Variants in PTK2 observed in about 807,000 individuals in gnomAD.
PTK2 encodes the protein focal adhesion kinase 1.
In PTK2, 45 loss-of-function variants were observed where a neutral mutation model predicts 150.1. That is an observed-to-expected ratio of 0.30 (90% CI 0.24 to 0.38). PTK2 has a LOEUF of 0.38. Ranked by LOEUF, PTK2 falls within the 10% of genes least tolerant of loss-of-function variation. The probability of loss-of-function intolerance (pLI) is 1.00; values close to 1 mark genes in which losing one functional copy is unlikely to be tolerated. For synonymous variants in PTK2, 432 were observed against 449.2 expected (o/e 0.96, Z 0.48); for missense variants, 919 against 1,307.3 (o/e 0.70, Z 4.58).
chr8:140,701,067 T>A (rs759378296), intron 25 of PTK2, 45 bp from the exon 29 acceptor site: 1 of 1,583,774 alleles, frequency 6.3e-7, no homozygotes, highest in South Asian at 1.2e-5. Flanking sequence ...CATAAGTCTA[T>A]TCCTATGCTC....
Position 140,995,980 on chromosome 8 carries a change from T to C in PTK2, c.-122+5145A>G, listed in dbSNP as rs565197247. On this transcript the variant is annotated intron_variant, in intron 1 of 31. Transcript: ENST00000522684. The stretch of plus-strand genomic sequence containing the variant: ...CACACCTGTAATCCCAGCTACTCAG[T>C]AGGCCGACACCCGAGAACCACTTCA... 5.3e-5 allele frequency among the ~76,000 whole-genome samples: 8 copies of C among 151,994 alleles called. No homozygotes were observed. The South Asian group carries it at 8.3e-4, about 16-fold the overall frequency.
At chr8:140,688,786 T>C (rs544172664) in intron 26 of PTK2, among the ~76,000 whole-genome samples, 1 of 152,280 alleles carries the variant, frequency 6.6e-6, no homozygotes, top group South Asian at 2.1e-4. Flanking sequence ...CTGAAGAGCA[T>C]AACTTAAAAC....
chr8:140,702,467 C>T, intron 25 of PTK2, 103 bp downstream of exon 28: 1 of 1,410,062 alleles, frequency 7.1e-7, no homozygotes, highest in Non-Finnish European at 9.7e-7. Flanking sequence ...AATCCTCCTA[C>T]TTCAGCCTCC....
intron 7 of PTK2, among the ~76,000 whole-genome samples, chr8:140,838,795 A>G (rs1333449321): frequency 6.6e-6 from 1 of 152,152 alleles, no homozygotes; most frequent in East Asian, 1.9e-4. Flanking sequence ...TCACAAGGTC[A>G]GGAGATCGAG....
chr8:140,906,451 G>A lies in PTK2; in HGVS notation c.-32-15682C>T, dbSNP rs545475419. Among the ~76,000 whole-genome samples, 5 of 152,156 alleles carry A rather than the reference G, an allele frequency of 3.3e-5. No individual in the cohort carries two copies. In the South Asian group the frequency reaches 1.0e-3, roughly 32 times the overall value. ...GATATGGAATCCACATGGACAATGT[G>A]GTATATATACACAATGGAATATTAT... On this transcript the variant is annotated intron_variant, in intron 2 of 31. Transcript: ENST00000522684.
chr8:140,798,012 G>GC (rs1271478496), intron 12 of PTK2, among the ~76,000 whole-genome samples: 1 of 152,014 alleles, frequency 6.6e-6, no homozygotes, highest in African/African-American at 2.4e-5. Flanking sequence ...CTAACAAAAT[G>GC]CATCTGGGCA....
chr8:140,673,736 G>A (rs1247016350), intron 29 of PTK2, among the ~76,000 whole-genome samples: 3 of 152,124 alleles, frequency 2.0e-5, no homozygotes, highest in Non-Finnish European at 4.4e-5. Context: ...GGCACCCCTC[G>A]GGGCAGGCTG....
intron 1 of PTK2, among the ~76,000 whole-genome samples, chr8:140,979,909 T>C (rs2100190766): frequency 6.6e-6 from 1 of 152,194 alleles, no homozygotes; most frequent in Non-Finnish European, 1.5e-5. Context: ...CTCTTTCCTT[T>C]CTAAATTACC....
At position 140,743,336 on chromosome 8, in the gene PTK2, AAAG is replaced by A. The variant is rs2100056778; in HGVS notation, c.1635-9_1635-7del. 1 of 1,607,722 alleles carries A rather than the reference AAAG, an allele frequency of 6.2e-7. No homozygotes were observed. The highest frequency in any genetic ancestry group is 8.5e-7 in the Non-Finnish European group (1 of 1,174,936). ...CATTCCGAGCAGCAATGTCCCTGAT[AAAG>A]AAGAATTTGAGACAATAAGACTTAA... On this transcript the variant is annotated splice_region_variant and splice_polypyrimidine_tract_variant and intron_variant, in intron 19 of 31. Coordinates refer to ENST00000522684, the Ensembl canonical transcript of PTK2.
intron 6 of PTK2, 94 bp downstream of exon 6, chr8:140,846,504 TA>T: frequency 8.4e-7 from 1 of 1,193,444 alleles, no homozygotes; most frequent in Non-Finnish European, 1.2e-6. Context: ...ATTTCACTGA[TA>T]ATCCTTATGA....
intron 12 of PTK2, among the ~76,000 whole-genome samples, chr8:140,796,115 G>C (rs190258570): frequency 3.3e-5 from 5 of 152,144 alleles, no homozygotes; most frequent in Non-Finnish European, 7.3e-5. Context: ...TCTGGCACTC[G>C]GGAGACTGTC....
At position 140,996,117 on chromosome 8, in the gene PTK2, C is replaced by G. The variant is rs183988158; in HGVS notation, c.-122+5008G>C. On this transcript the variant is annotated intron_variant, in intron 1 of 31. Transcript: ENST00000522684. ...AACAAAACAAAGGAAAAGAAAACAG[C>G]CTTATTGTTGATATGGAGAAAGTTT... Among the ~76,000 whole-genome samples the G allele has an allele frequency of 1.1e-4, 16 of 152,234 alleles. 1 individual carries two copies. The East Asian group carries it at 3.1e-3, about 29-fold the overall frequency.
At chr8:140,835,490 AT>A (rs573806349) in intron 7 of PTK2, among the ~76,000 whole-genome samples, 255 of 152,324 alleles carry the variant, frequency 1.7e-3, no homozygotes, top group African/African-American at 5.7e-3. Flanking sequence ...TAGAAATAGT[AT>A]GGTGGTACTT....
chr8:140,831,679 C>G (rs1369391418), intron 7 of PTK2, among the ~76,000 whole-genome samples: 1 of 152,218 alleles, frequency 6.6e-6, no homozygotes, highest in Non-Finnish European at 1.5e-5. Flanking sequence ...AATTCTCTCT[C>G]AGCTTCTATG....
chr8:140,695,536 G>C (rs982509593), intron 26 of PTK2, among the ~76,000 whole-genome samples: 9 of 151,872 alleles, frequency 5.9e-5, no homozygotes, highest in Non-Finnish European at 1.0e-4. Flanking sequence ...GCAGCCTCCT[G>C]AGTAGCTGGG....
chr8:140,863,403 T>TA (rs2100137387), intron 5 of PTK2, among the ~76,000 whole-genome samples: 1 of 152,234 alleles, frequency 6.6e-6, no homozygotes, highest in African/African-American at 2.4e-5. Context: ...CGGCATTTGC[T>TA]AACTAACGTT....
intron 26 of PTK2, among the ~76,000 whole-genome samples, chr8:140,698,077 A>C (rs1179020429): frequency 6.6e-6 from 1 of 151,826 alleles, no homozygotes; most frequent in Non-Finnish European, 1.5e-5. Context: ...TAAAAATTCC[A>C]ATTTCTCCTT....
chr8:140,709,760 T>G (rs1480576214), intron 23 of PTK2, among the ~76,000 whole-genome samples: 3 of 152,144 alleles, frequency 2.0e-5, no homozygotes, highest in African/African-American at 7.2e-5. Flanking sequence ...GAAACTTGGA[T>G]TTTAATGAAG....
At chr8:140,704,854 G>T (rs920808851) in intron 24 of PTK2, among the ~76,000 whole-genome samples, 1 of 152,142 alleles carries the variant, frequency 6.6e-6, no homozygotes, top group African/African-American at 2.4e-5. Context: ...AGAAAAAAGA[G>T]TACTTTATTT....
Sources: allele counts gnomAD v4.1 joint callset (sites outside exome capture counted in the v4.1 genomes callset), GRCh38; gene constraint gnomAD v4.1.1; transcripts MANE v1.5; gene names NCBI Gene and HGNC (gene_info 2026-07-23, HGNC 2026-07-21).